Variants in MEGF11 observed in about 807,000 individuals in gnomAD.
MEGF11 encodes multiple epidermal growth factor-like domains protein 11.
A neutral mutation model predicts 146.6 loss-of-function variants in MEGF11; 126 were observed. The observed-to-expected ratio is 0.86, with a 90% CI of 0.74 to 1.00. The LOEUF is 1.00. MEGF11 is among the 50% of genes least tolerant of loss of function. MEGF11 has a pLI of 0.00. For missense variants in MEGF11, 1,509 were observed against 1,521.2 expected, an observed-to-expected ratio of 0.99 and a Z score of 0.13; for synonymous variants, 532 against 583.4, an observed-to-expected ratio of 0.91 and a Z score of 1.27.
intron 2 of MEGF11, among the ~76,000 whole-genome samples, chr15:66,125,170 G>T (rs920770725): frequency 6.6e-6 from 1 of 152,194 alleles, no homozygotes; most frequent in African/African-American, 2.4e-5. Flanking sequence ...AGGCCTGGGT[G>T]GTGGGAAATT....
At position 66,095,860 on chromosome 15, in the gene MEGF11, G is replaced by A. The variant is rs60653946; in HGVS notation, c.302-1366C>T. Among the ~76,000 whole-genome samples, 972 of 152,274 alleles carry A rather than the reference G, an allele frequency of 6.4e-3. 11 individuals carry two copies. Among genetic ancestry groups the A allele is most frequent in the African/African-American group, 0.022 (903 of 41,554 alleles). On this transcript the variant is annotated intron_variant, in intron 4 of 25. Transcript: ENST00000395614. ...GGTGCTTCCCCAGTGCTGGAGCCCC[G>A]CTCGCTTGCAGCCCTGAGAAGCGGC...
intron 5 of MEGF11, among the ~76,000 whole-genome samples, chr15:66,073,085 G>A (rs114282831): frequency 1.5e-4 from 23 of 152,320 alleles, no homozygotes; most frequent in African/African-American, 5.5e-4. Context: ...TGGCCTCCTA[G>A]CAAGACATGT....
At chr15:66,041,096 C>T (rs570935227) in intron 5 of MEGF11, among the ~76,000 whole-genome samples, 75 of 152,154 alleles carry the variant, frequency 4.9e-4, no homozygotes, top group African/African-American at 1.6e-3. Context: ...GACTGCATGG[C>T]AAAAAGAACT....
At chr15:66,113,532 G>A (rs2087552620) in intron 4 of MEGF11, among the ~76,000 whole-genome samples, 1 of 152,190 alleles carries the variant, frequency 6.6e-6, no homozygotes, top group Non-Finnish European at 1.5e-5. Context: ...TCTCCCTGCT[G>A]CCGCCCGCAG....
At chr15:65,985,398 C>G (rs973903151) in intron 5 of MEGF11, among the ~76,000 whole-genome samples, 10 of 145,850 alleles carry the variant, frequency 6.9e-5, no homozygotes, top group African/African-American at 2.7e-4. Flanking sequence ...CTAGCCACTT[C>G]TTCTCTGTTC....
chr15:66,205,676 A>C (rs947515156), intron 1 of MEGF11, among the ~76,000 whole-genome samples: 4 of 152,194 alleles, frequency 2.6e-5, no homozygotes, highest in Non-Finnish European at 5.9e-5. Context: ...GGTGAGGTGG[A>C]ACTCCTACCC....
chr15:66,186,493 G>A (rs1015272939), intron 1 of MEGF11, among the ~76,000 whole-genome samples: 21 of 152,320 alleles, frequency 1.4e-4, no homozygotes, highest in South Asian at 6.2e-4. Context: ...ACAGTTTCCA[G>A]AAAGGAGACT....
At chr15:66,245,942 G>A (rs2092290355) in intron 1 of MEGF11, among the ~76,000 whole-genome samples, 1 of 151,792 alleles carries the variant, frequency 6.6e-6, no homozygotes, top group African/African-American at 2.4e-5. Context: ...TCAGAAGGGA[G>A]AGAACATATA....
At chr15:66,041,341 C>A (rs1462750847) in intron 5 of MEGF11, among the ~76,000 whole-genome samples, 3 of 152,232 alleles carry the variant, frequency 2.0e-5, no homozygotes, top group African/African-American at 7.2e-5. Context: ...AGATGAAGAA[C>A]TTCTCTGGAC....
chr15:66,212,252 G>C (rs2091478235), intron 1 of MEGF11, among the ~76,000 whole-genome samples: 1 of 152,014 alleles, frequency 6.6e-6, no homozygotes, highest in South Asian at 2.1e-4. Flanking sequence ...AGACCCAAAG[G>C]GATGGCGGAC....
At chr15:66,190,734 C>A (rs533233313) in intron 1 of MEGF11, among the ~76,000 whole-genome samples, 78 of 152,238 alleles carry the variant, frequency 5.1e-4, no homozygotes, top group African/African-American at 1.8e-3. Flanking sequence ...ATTCACCCCC[C>A]ACAGCACACT....
At chr15:65,942,974 CTTTTTTTTTTTTTTTT>C (rs58874869) in intron 10 of MEGF11, among the ~76,000 whole-genome samples, 41 of 47,616 alleles carry the variant, frequency 8.6e-4, no homozygotes, top group Middle Eastern at 0.018. Context: ...AACAACTTGG[CTTTTTTTTTTTTTTTT>C]TTTTTTTTTT....
chr15:66,044,712 G>C (rs1233458216), intron 5 of MEGF11, among the ~76,000 whole-genome samples: 1 of 151,566 alleles, frequency 6.6e-6, no homozygotes, highest in Non-Finnish European at 1.5e-5. Flanking sequence ...AAATAGCCAG[G>C]TGTGGTGGCA....
At chr15:65,903,411 C>T (rs2078542498) in intron 24 of MEGF11, among the ~76,000 whole-genome samples, 1 of 152,202 alleles carries the variant, frequency 6.6e-6, no homozygotes, top group Non-Finnish European at 1.5e-5. Context: ...CCCTTAACCT[C>T]CGGGATGACA....
rs113971394 is a variant in MEGF11, at chr15:66,069,019, TCAGA to T, written c.394+25379_394+25382del. Among the ~76,000 whole-genome samples the T allele has an allele frequency of 6.5e-3, 987 of 152,332 alleles. 11 individuals carry two copies. The highest frequency in any genetic ancestry group is 0.023 in the African/African-American group (945 of 41,580). The stretch of plus-strand genomic sequence containing the variant: ...TGCTTGGTCACTGGGTGCTCCTGGG[TCAGA>T]CAGTCTGGACTGAGTCCTGCATCTC... On this transcript the variant is annotated intron_variant, in intron 5 of 25. Coordinates refer to ENST00000395614, the MANE Select transcript of MEGF11 (RefSeq NM_001385028.1).
intron 9 of MEGF11, among the ~76,000 whole-genome samples, chr15:65,961,082 C>T (rs1180362199): frequency 2.0e-5 from 3 of 152,106 alleles, no homozygotes; most frequent in Non-Finnish European, 2.9e-5. Flanking sequence ...TGACAGCTGA[C>T]TGATCATGAT....
At chr15:66,079,190 C>A (rs1395196029) in intron 5 of MEGF11, among the ~76,000 whole-genome samples, 1 of 152,190 alleles carries the variant, frequency 6.6e-6, no homozygotes, top group African/African-American at 2.4e-5. Context: ...GGCCTGCCTG[C>A]CTTCCTGCCT....
chr15:66,188,855 T>A (rs1420605002), intron 1 of MEGF11, among the ~76,000 whole-genome samples: 1 of 152,230 alleles, frequency 6.6e-6, no homozygotes, highest in African/African-American at 2.4e-5. Context: ...TGCAATTTTT[T>A]TTCTTTATCC....
At chr15:66,120,909 C>G (rs1480288375) in intron 3 of MEGF11, among the ~76,000 whole-genome samples, 1 of 152,162 alleles carries the variant, frequency 6.6e-6, no homozygotes, top group Non-Finnish European at 1.5e-5. Flanking sequence ...CCAATTGTTT[C>G]TAGCTCACCC....
Sources: allele counts gnomAD v4.1 joint callset (sites outside exome capture counted in the v4.1 genomes callset), GRCh38; gene constraint gnomAD v4.1.1; transcripts MANE v1.5; gene names NCBI Gene and HGNC (gene_info 2026-07-23, HGNC 2026-07-21).